The following PIK3C2B variants were observed in gnomAD, a reference collection of about 807,000 sequenced individuals.
PIK3C2B encodes the protein phosphatidylinositol-4-phosphate 3-kinase catalytic subunit type 2 beta.
Under a neutral mutation model 184.3 loss-of-function variants are expected in PIK3C2B, and 83 were observed. That is an observed-to-expected ratio of 0.45 (90% CI 0.38 to 0.54). The LOEUF (loss-of-function observed/expected upper bound fraction) is 0.54. Ranked by LOEUF, PIK3C2B falls within the 20% of genes least tolerant of loss-of-function variation. PIK3C2B has a pLI of 0.00. For synonymous variants in PIK3C2B, 779 were observed against 837.6 expected, an observed-to-expected ratio of 0.93 and a Z score of 1.21; for missense variants, 1,736 against 2,113.5, an observed-to-expected ratio of 0.82 and a Z score of 3.50.
At chr1:204,444,301 C>CA in intron 17 of PIK3C2B, 30 bp downstream of exon 17, 1 of 1,587,334 alleles carries the variant, frequency 6.3e-7, no homozygotes, top group Non-Finnish European at 8.7e-7. Context: ...ATGGGACCAG[C>CA]AAAACTGGAG....
chr1:204,444,184 A>T (rs773206216), intron 17 of PIK3C2B, 22 bp from the exon 18 acceptor site: 20 of 1,556,406 alleles, frequency 1.3e-5, no homozygotes, highest in Non-Finnish European at 1.8e-5. Flanking sequence ...AAAGGGAGAA[A>T]GAGAATATGA....
intron 1 of PIK3C2B, chr1:204,489,739 C>A: frequency 2.5e-6 from 1 of 394,072 alleles, no homozygotes; most frequent in Non-Finnish European, 4.5e-6. Context: ...AGGGAGACGT[C>A]AATAGTTGAA....
chr1:204,478,169 C>T (rs1656862316), intron 1 of PIK3C2B, among the ~76,000 whole-genome samples: 1 of 152,126 alleles, frequency 6.6e-6, no homozygotes, highest in Admixed American at 6.5e-5. Flanking sequence ...AGTCAGAGGC[C>T]ATTAGGACTT....
chr1:204,428,880 G>A (rs1272800527), intron 29 of PIK3C2B: 2 of 455,714 alleles, frequency 4.4e-6, no homozygotes, highest in Admixed American at 2.4e-5. Context: ...TAATTATATT[G>A]TTTCTCTACT....
chr1:204,457,327 A>T (rs540049960), intron 9 of PIK3C2B, among the ~76,000 whole-genome samples: 1 of 152,336 alleles, frequency 6.6e-6, no homozygotes, highest in South Asian at 2.1e-4. Context: ...GCTGCAGATC[A>T]CAGTGCCTAT....
At chr1:204,462,573 C>A (rs1655423743) in intron 5 of PIK3C2B, among the ~76,000 whole-genome samples, 1 of 152,210 alleles carries the variant, frequency 6.6e-6, no homozygotes, top group African/African-American at 2.4e-5. Flanking sequence ...TGCCAGGCAA[C>A]CCTGAGTCTA....
At chr1:204,465,699 T>C (rs1282518727) in intron 2 of PIK3C2B, among the ~76,000 whole-genome samples, 1 of 152,132 alleles carries the variant, frequency 6.6e-6, no homozygotes, top group Non-Finnish European at 1.5e-5. Flanking sequence ...AGACAGCTGT[T>C]TTTCCCAGCC....
rs1656101330 is a variant in PIK3C2B, at chr1:204,469,316, C to A, written c.487G>T (p.Ala163Ser). 1 of 1,532,320 alleles carries A rather than the reference C, an allele frequency of 6.5e-7. No individual in the cohort carries two copies. The highest frequency in any genetic ancestry group is 1.3e-5 in the South Asian group (1 of 76,710). 94.9% of individuals were successfully genotyped at this position (1,532,320 alleles called of 1,614,324 possible). Residue 163 changes from alanine to serine, a missense_variant, in exon 2 of 33, where the codon GCT (alanine) becomes TCT (serine). This residue lies in a region of PIK3C2B where 404 missense variants were observed against 418.0 expected (regional missense o/e 0.97). Coordinates refer to ENST00000684373, the MANE Select transcript of PIK3C2B (RefSeq NM_001377334.1). ...AGGGGAGGGGTATCCCAGATAGAAG[C>A]TCGGGGAGGCAGAGGAGGTGGGGAT... ...KLSPPPLPPR[A>S]SIWDTPPLPP...
intron 3 of PIK3C2B, 142 bp from the exon 4 acceptor site, chr1:204,464,746 G>A: frequency 2.9e-6 from 2 of 680,380 alleles, no homozygotes; most frequent in East Asian, 2.7e-5. Flanking sequence ...AGGCCAGGAT[G>A]GGGGCAGTGG....
At chr1:204,427,989 C>T in intron 30 of PIK3C2B, 150 bp downstream of exon 30, 2 of 637,130 alleles carry the variant, frequency 3.1e-6, no homozygotes, top group Non-Finnish European at 5.6e-6. Flanking sequence ...GACCCCACGG[C>T]CTGAGTGGGA....
intron 29 of PIK3C2B, chr1:204,428,807 T>TA (rs1674883007): frequency 5.2e-6 from 2 of 387,186 alleles, no homozygotes; most frequent in East Asian, 8.3e-5. Flanking sequence ...AAATACTTCA[T>TA]AAAAAATAGA....
intron 23 of PIK3C2B, among the ~76,000 whole-genome samples, chr1:204,438,352 G>A (rs746651673): frequency 3.3e-5 from 5 of 152,102 alleles, no homozygotes; most frequent in Non-Finnish European, 5.9e-5. Flanking sequence ...CTACCACCCA[G>A]GAAAGCTCCA....
chr1:204,428,643 G>A (rs543627365), intron 29 of PIK3C2B, among the ~76,000 whole-genome samples: 3 of 152,114 alleles, frequency 2.0e-5, no homozygotes, highest in East Asian at 1.9e-4. Flanking sequence ...ACAGGCCTGC[G>A]CCACCACGCC....
chr1:204,445,219 A>C (rs879382227), intron 16 of PIK3C2B, among the ~76,000 whole-genome samples: 24 of 151,994 alleles, frequency 1.6e-4, no homozygotes, highest in Non-Finnish European at 2.9e-4. Flanking sequence ...AAAAAAAAAA[A>C]AACAGAACAA....
intron 1 of PIK3C2B, 146 bp downstream of exon 1, chr1:204,494,210 C>T (rs765254640): frequency 6.6e-6 from 1 of 152,408 alleles, no homozygotes; most frequent in African/African-American, 2.4e-5. Context: ...CCGCTCAGCC[C>T]GCCGCCAGGA....
In PIK3C2B at chr1:204,430,022, C is replaced by G. The variant is rs772630426; in HGVS notation, c.4297G>C (p.Val1433Leu). The change falls in exon 29 of 33, where the codon GTG becomes CTG. Residue 1433 changes from valine to leucine, a missense_variant. Val to Leu is a conservative substitution (Grantham distance 32). Transcript: ENST00000684373. Reference sequence around the variant, plus strand: ...GCCTCTCCCCGGGAGCGGCCGATCACGAAGCGACTAGGGAAGCTGGCGTGG... The same window carrying G: ...GCCTCTCCCCGGGAGCGGCCGATCAGGAAGCGACTAGGGAAGCTGGCGTGG... ...SHLPSFPSRF[V>L]IGRSRGEAVA... 3 of 1,609,038 alleles carry G rather than the reference C, an allele frequency of 1.9e-6. No homozygotes were observed. The highest frequency in any genetic ancestry group is 2.5e-6 in the Non-Finnish European group (3 of 1,179,586).
chr1:204,436,962 G>T (rs1446577011), intron 23 of PIK3C2B, among the ~76,000 whole-genome samples: 2 of 152,166 alleles, frequency 1.3e-5, no homozygotes, highest in Admixed American at 1.3e-4. Flanking sequence ...GGGAAGAAAT[G>T]ACTTTCCAGG....
rs999497025 is a variant in PIK3C2B at position 204,423,418 on chromosome 1, A to G, written c.*1434T>C. The G allele has an allele frequency of 6.7e-6, 1 of 150,112 alleles. No individual in the cohort carries two copies. The highest frequency in any genetic ancestry group is 2.5e-5 in the African/African-American group (1 of 40,434). 9.3% of individuals were successfully genotyped at this position (150,112 alleles called of 1,614,324 possible). A position where few individuals can be genotyped will look rare whatever the true frequency, so the allele number is the denominator to read the frequency against. ...AGTCGAGATCATGCCACTACACTCC[A>G]GCCTGGCGACAGGGCGAGACTCCGT... On this transcript the variant is annotated 3_prime_UTR_variant, in exon 33 of 33. Coordinates refer to ENST00000684373, the MANE Select transcript of PIK3C2B (RefSeq NM_001377334.1).
intron 1 of PIK3C2B, among the ~76,000 whole-genome samples, chr1:204,494,052 G>C (rs1351963104): frequency 6.6e-6 from 1 of 152,220 alleles, no homozygotes; most frequent in East Asian, 1.9e-4. Context: ...CTGCAGCTGG[G>C]AGCCAGGAAG....
Sources: gnomAD v4.1 joint callset for allele counts (sites outside exome capture counted in the v4.1 genomes callset) on GRCh38, gnomAD v4.1.1 for gene constraint, gnomAD v4.1.1 regional missense constraint, MANE v1.5 for transcripts, NCBI Gene and HGNC (gene_info 2026-07-23, HGNC 2026-07-21) for gene names.